The following KCNJ6 variants were observed in gnomAD, a reference collection of about 807,000 sequenced individuals.
The protein encoded by KCNJ6 is potassium inwardly rectifying channel subfamily J member 6, also known as G protein-activated inward rectifier potassium channel 2.
A neutral mutation model predicts 34.2 loss-of-function variants in KCNJ6; 9 were observed. The observed-to-expected ratio is 0.26, with a 90% CI of 0.16 to 0.46. The LOEUF (loss-of-function observed/expected upper bound fraction) is 0.46. KCNJ6 is among the 20% of genes least tolerant of loss of function. The pLI is 1.00. For synonymous variants in KCNJ6, 196 were observed against 207.1 expected, an observed-to-expected ratio of 0.95 and a Z score of 0.46; for missense variants, 236 against 531.3, an observed-to-expected ratio of 0.44 and a Z score of 5.46.
intron 3 of KCNJ6, among the ~76,000 whole-genome samples, chr21:37,644,032 T>A (rs2054392870): frequency 6.6e-6 from 1 of 152,208 alleles, no homozygotes; most frequent in Non-Finnish European, 1.5e-5. Flanking sequence ...CACCATGGAA[T>A]ACTATGCAGC....
intron 1 of KCNJ6, among the ~76,000 whole-genome samples, chr21:37,858,860 G>A (rs573830486): frequency 2.6e-5 from 4 of 152,166 alleles, no homozygotes; most frequent in South Asian, 2.1e-4. Context: ...GAATAACAGC[G>A]TAACCAATTA....
chr21:37,722,128 A>G (rs1006926403), intron 2 of KCNJ6, among the ~76,000 whole-genome samples: 6 of 151,922 alleles, frequency 3.9e-5, no homozygotes, highest in African/African-American at 1.5e-4. Context: ...ATGTACAAAA[A>G]TCAGTGTCAT....
intron 2 of KCNJ6, among the ~76,000 whole-genome samples, chr21:37,834,612 T>C (rs2123571629): frequency 6.6e-6 from 1 of 152,128 alleles, no homozygotes; most frequent in Non-Finnish European, 1.5e-5. Context: ...AACCACCCCA[T>C]AAAAAAGGGA....
Position 37,617,217 on chromosome 21 carries a change from C to A in KCNJ6, c.*7942G>T, listed in dbSNP as rs1176129693. 1.7e-5 allele frequency: 2 copies of A among 120,064 alleles called. No homozygotes were observed. Among genetic ancestry groups the A allele is most frequent in the African/African-American group, 6.3e-5 (2 of 31,568 alleles). 7.4% of individuals were successfully genotyped at this position (120,064 alleles called of 1,614,324 possible). ...CCTTCCTTCCTTCCTTCCTTCCTTCCTTCTTTTCTTTCTTTTTTTGAGACT... is the reference window on the plus strand; with the variant it reads ...CCTTCCTTCCTTCCTTCCTTCCTTCATTCTTTTCTTTCTTTTTTTGAGACT... On this transcript the variant is annotated 3_prime_UTR_variant, in exon 4 of 4. Transcript: ENST00000609713.
chr21:37,749,539 TG>T (rs2123481989), intron 2 of KCNJ6, among the ~76,000 whole-genome samples: 1 of 152,308 alleles, frequency 6.6e-6, no homozygotes, highest in Non-Finnish European at 1.5e-5. Context: ...TTCTCTGCCA[TG>T]GAGACAAAGT....
Position 37,615,275 on chromosome 21 carries a change from C to T in KCNJ6, c.*9884G>A, listed in dbSNP as rs1363122415. On this transcript the variant is annotated 3_prime_UTR_variant, in exon 4 of 4. Transcript: ENST00000609713. ...TTTTTTTTTTTTTTTTTTTTTGAGA[C>T]GGAGTCTCGCTCTGTCGCCCAGGTC... 1.9e-5 allele frequency: 2 copies of T among 107,736 alleles called. No individual in the cohort carries two copies. The highest frequency in any genetic ancestry group is 1.7e-5 in the Non-Finnish European group (1 of 58,458). The allele number at this position is 107,736 out of a possible 1,614,324, so 6.7% of individuals were successfully genotyped here.
rs1325736032 is a variant in KCNJ6, at chr21:37,828,436, C to A, written c.25+12222G>T. On this transcript the variant is annotated intron_variant, in intron 2 of 3. Transcript: ENST00000609713. ...CCCTTCCCCAGCTGAATTCAGGGAG[C>A]CTGTGGGCTGTCCCAGCTCACACAC... is the stretch of plus-strand genomic sequence containing the variant. 2.0e-5 allele frequency among the ~76,000 whole-genome samples: 3 copies of A among 152,164 alleles called. No homozygotes were observed. The East Asian group carries it at 5.8e-4, about 29-fold the overall frequency.
At chr21:37,674,565 C>T (rs760202711) in intron 3 of KCNJ6, among the ~76,000 whole-genome samples, 13 of 151,478 alleles carry the variant, frequency 8.6e-5, no homozygotes, top group Non-Finnish European at 1.6e-4. Flanking sequence ...CTTCCTTTCA[C>T]CACAGGGCCT....
intron 2 of KCNJ6, among the ~76,000 whole-genome samples, chr21:37,784,771 C>T (rs961268994): frequency 5.3e-5 from 8 of 152,072 alleles, no homozygotes; most frequent in South Asian, 4.1e-4. Context: ...GGCAGAGCAA[C>T]GTTAGAATTC....
At chr21:37,725,561 T>C (rs1357710553) in intron 2 of KCNJ6, among the ~76,000 whole-genome samples, 1 of 152,250 alleles carries the variant, frequency 6.6e-6, no homozygotes, top group Admixed American at 6.5e-5. Context: ...CATACTTGTA[T>C]GTATTATGTG....
At chr21:37,800,329 T>C (rs2055263037) in intron 2 of KCNJ6, among the ~76,000 whole-genome samples, 1 of 152,132 alleles carries the variant, frequency 6.6e-6, no homozygotes, top group South Asian at 2.1e-4. Flanking sequence ...AGAAATCCAC[T>C]TAAATAAAAT....
chr21:37,768,297 C>G (rs886508634), intron 2 of KCNJ6, among the ~76,000 whole-genome samples: 3 of 151,966 alleles, frequency 2.0e-5, no homozygotes, highest in Non-Finnish European at 4.4e-5. Flanking sequence ...TTCGTGGGAC[C>G]CTTGGAGGGA....
chr21:37,789,648 A>G (rs1301979896), intron 2 of KCNJ6, among the ~76,000 whole-genome samples: 1 of 152,226 alleles, frequency 6.6e-6, no homozygotes, highest in Admixed American at 6.5e-5. Flanking sequence ...TAGATGAGAG[A>G]AAGAGTCTAG....
At chr21:37,845,602 G>A (rs1007123923) in intron 1 of KCNJ6, among the ~76,000 whole-genome samples, 26 of 152,224 alleles carry the variant, frequency 1.7e-4, no homozygotes, top group Non-Finnish European at 3.2e-4. Context: ...TATAAATACA[G>A]TCAAGTGTAA....
At position 37,612,905 on chromosome 21, in the gene KCNJ6, C is replaced by T. The variant is rs1255248834; in HGVS notation, c.*12254G>A. ...GGCAATAGATTTTTAGATAGAACAC[C>T]AAAGACATGATCATGAAAGAAGTAA... is the stretch of plus-strand genomic sequence containing the variant. On this transcript the variant is annotated 3_prime_UTR_variant, in exon 4 of 4. Transcript: ENST00000609713. 1 of 151,898 alleles carries T rather than the reference C, an allele frequency of 6.6e-6. No individual in the cohort carries two copies. Among genetic ancestry groups the T allele is most frequent in the Non-Finnish European group, 1.5e-5 (1 of 67,954 alleles). The allele number at this position is 151,898 out of a possible 1,614,324, so 9.4% of individuals were successfully genotyped here.
rs2054559584 is a variant in KCNJ6 at position 37,675,294 on chromosome 21, T to C, written c.946+38917A>G. Among the ~76,000 whole-genome samples the C allele has an allele frequency of 6.6e-6, 1 of 152,208 alleles. No homozygotes were observed. The highest frequency in any genetic ancestry group is 6.5e-5 in the Admixed American group (1 of 15,280). Reference sequence around the variant, plus strand: ...CTCAGAGATGTAAAGGCCACACAGATGAGACCTCAGAGAGGAAGGAATCAA... The same window carrying C: ...CTCAGAGATGTAAAGGCCACACAGACGAGACCTCAGAGAGGAAGGAATCAA... On this transcript the variant is annotated intron_variant, in intron 3 of 3. Coordinates refer to ENST00000609713, the MANE Select transcript of KCNJ6 (RefSeq NM_002240.5). This position sits in a 1 kb window ranked among gnomAD's most constrained non-coding sequence, Gnocchi z 4.2.
intron 2 of KCNJ6, among the ~76,000 whole-genome samples, chr21:37,806,251 A>T (rs1325122844): frequency 6.6e-6 from 1 of 152,216 alleles, no homozygotes; most frequent in Non-Finnish European, 1.5e-5. Flanking sequence ...GGGACTGAGG[A>T]TTTACTTCAG....
chr21:37,623,843 C>G lies in KCNJ6; in HGVS notation c.*1316G>C, dbSNP rs894284792. On this transcript the variant is annotated 3_prime_UTR_variant, in exon 4 of 4. Transcript: ENST00000609713. ...ATAAAAGATCACAATGCAAGAAATG[C>G]TGATGGATAAGCCCCAGGGACAGGC... is the stretch of plus-strand genomic sequence containing the variant. 4 of 152,180 alleles carry G rather than the reference C, an allele frequency of 2.6e-5. No homozygotes were observed. Among genetic ancestry groups the G allele is most frequent in the African/African-American group, 9.6e-5 (4 of 41,454 alleles). 9.4% of individuals were successfully genotyped at this position (152,180 alleles called of 1,614,324 possible). A position where few individuals can be genotyped will look rare whatever the true frequency, so the allele number is the denominator to read the frequency against.
intron 2 of KCNJ6, among the ~76,000 whole-genome samples, chr21:37,726,781 T>C (rs952060499): frequency 6.6e-6 from 1 of 152,222 alleles, no homozygotes; most frequent in African/African-American, 2.4e-5. Context: ...TATTTCTATT[T>C]TGAATAACCA....
Sources: gnomAD v4.1 joint callset for allele counts (sites outside exome capture counted in the v4.1 genomes callset) on GRCh38, gnomAD v4.1.1 for gene constraint, Gnocchi (gnomAD v3.1) non-coding constraint, MANE v1.5 for transcripts, NCBI Gene and HGNC (gene_info 2026-07-23, HGNC 2026-07-21) for gene names.